The following PARP4 variants were observed in gnomAD, a reference collection of about 807,000 sequenced individuals.
PARP4 encodes protein mono-ADP-ribosyltransferase PARP4.
A neutral mutation model predicts 187.7 loss-of-function variants in PARP4; 120 were observed. That is an observed-to-expected ratio of 0.64 (90% CI 0.55 to 0.74). The LOEUF (loss-of-function observed/expected upper bound fraction) is 0.74. Ranked by LOEUF, PARP4 falls within the 30% of genes least tolerant of loss-of-function variation. The probability of loss-of-function intolerance (pLI) is 0.00; values close to 1 mark genes in which losing one functional copy is unlikely to be tolerated. For synonymous variants in PARP4, 654 were observed against 740.9 expected (o/e 0.88, Z 1.90); for missense variants, 1,836 against 2,070.5 (o/e 0.89, Z 2.20).
At chr13:24,439,914 G>A (rs896486376) in intron 30 of PARP4, among the ~76,000 whole-genome samples, 12 of 152,168 alleles carry the variant, frequency 7.9e-5, no homozygotes, top group South Asian at 6.2e-4. Flanking sequence ...CTGGAAGTCC[G>A]GACCAGTGTG....
chr13:24,463,493 A>G (rs1363607101), intron 17 of PARP4, among the ~76,000 whole-genome samples: 1 of 152,184 alleles, frequency 6.6e-6, no homozygotes, highest in Non-Finnish European at 1.5e-5. Context: ...CCTTATTTTT[A>G]ATTGCTTTAA....
intron 3 of PARP4, 130 bp from the exon 4 acceptor site, chr13:24,500,512 G>A: frequency 2.0e-6 from 1 of 506,610 alleles, no homozygotes; most frequent in East Asian, 3.5e-5. Context: ...GTGATCAAAG[G>A]ATAACCCAGT....
At position 24,443,657 on chromosome 13, in the gene PARP4, C is replaced by G. The variant is rs1201159434; in HGVS notation, c.3440G>C (p.Ser1147Thr). ...EDGILHENET[S>T]HEMKKQTLKS... The stretch of plus-strand genomic sequence containing the variant: ...ACAATGAAAAGAACAAACCTCATGA[C>G]TGGTTTCATTTTCGTGAAGAATGCC... The change falls in exon 28 of 34, where the codon AGT becomes ACT. Residue 1147 changes from serine (S) to threonine (T), a missense_variant. Ser to Thr is a moderately conservative substitution (Grantham distance 58). Around this residue, in one of 8 missense-constraint regions of PARP4, gnomAD observed 47 missense variants for 99.5 expected, o/e 0.47. Coordinates refer to ENST00000381989, the MANE Select transcript of PARP4 (RefSeq NM_006437.4). 1 of 1,604,326 alleles carries G rather than the reference C, an allele frequency of 6.2e-7. No homozygotes were observed. Among genetic ancestry groups the G allele is most frequent in the Non-Finnish European group, 8.5e-7 (1 of 1,171,192 alleles).
At chr13:24,490,872 C>T in intron 9 of PARP4, 44 bp from the exon 10 acceptor site, 1 of 1,469,174 alleles carries the variant, frequency 6.8e-7, no homozygotes, top group Non-Finnish European at 9.4e-7. Context: ...CACCACATAT[C>T]AAAATTAATA....
chr13:24,479,358 A>C (rs1052310552), intron 12 of PARP4, among the ~76,000 whole-genome samples: 4 of 151,382 alleles, frequency 2.6e-5, no homozygotes, highest in Non-Finnish European at 5.9e-5. Flanking sequence ...TTCTCATTAA[A>C]CCCCACTCTG....
At chr13:24,494,965 G>A (rs1344698100) in intron 6 of PARP4, among the ~76,000 whole-genome samples, 1 of 151,560 alleles carries the variant, frequency 6.6e-6, no homozygotes, top group East Asian at 1.9e-4. Flanking sequence ...TCCACCTCCT[G>A]GGTTCAAGCG....
rs764879529 is a variant in PARP4 at position 24,434,905 on chromosome 13, A to G, written c.4236T>C (p.Ala1412=). Residue 1412 remains alanine (A), a synonymous_variant, in exon 31 of 34, where the codon GCT becomes GCC. Transcript: ENST00000381989. ...SGSSLSSAQS[A]PLQHPGGFTT... is the part of the protein sequence containing the mutation. ...TAAAGCCTCCAGGATGTTGCAGTGG[A>G]GCAGACTGTGCAGAGCTTAATGAGC... The G allele has an allele frequency of 1.9e-6, 3 of 1,614,046 alleles. No homozygotes were observed. Among genetic ancestry groups the G allele is most frequent in the Admixed American group, 1.7e-5 (1 of 60,002 alleles).
At position 24,469,462 on chromosome 13, in the gene PARP4, A is replaced by G. The variant is rs181728425; in HGVS notation, c.2047-352T>C. 4.6e-5 allele frequency among the ~76,000 whole-genome samples: 7 copies of G among 152,368 alleles called. No individual in the cohort carries two copies. The East Asian group carries it at 1.2e-3, about 25-fold the overall frequency. ...CTGTGGACTAATCCTTACAATAAACAAAGAATTAATCAACTGTTGTTTCTT... is the reference window on the plus strand; with the variant it reads ...CTGTGGACTAATCCTTACAATAAACGAAGAATTAATCAACTGTTGTTTCTT... On this transcript the variant is annotated intron_variant, in intron 16 of 33. Coordinates refer to ENST00000381989, the MANE Select transcript of PARP4 (RefSeq NM_006437.4).
chr13:24,491,922 G>C (rs967287084), intron 9 of PARP4, among the ~76,000 whole-genome samples: 2 of 152,232 alleles, frequency 1.3e-5, no homozygotes, highest in African/African-American at 4.8e-5. Context: ...AACTACTGCA[G>C]CCATCTGCAG....
intron 24 of PARP4, among the ~76,000 whole-genome samples, chr13:24,451,281 A>C (rs1871503995): frequency 1.3e-5 from 2 of 152,228 alleles, no homozygotes; most frequent in South Asian, 4.1e-4. Flanking sequence ...CAGCAGGTGA[A>C]GTCCCATCAG....
intron 1 of PARP4, among the ~76,000 whole-genome samples, chr13:24,504,597 TTTAA>T (rs1271151283): frequency 3.3e-5 from 5 of 152,124 alleles, no homozygotes. Flanking sequence ...CCTGGGTTAA[TTTAA>T]TTAATTTACT....
intron 15 of PARP4, among the ~76,000 whole-genome samples, chr13:24,472,947 G>A (rs539436363): frequency 2.0e-5 from 3 of 146,430 alleles, no homozygotes; most frequent in Non-Finnish European, 4.5e-5. Flanking sequence ...CCAGGTTGGA[G>A]TGCAGTGGTG....
chr13:24,509,209 A>T (rs913811258), intron 1 of PARP4, among the ~76,000 whole-genome samples: 4 of 152,242 alleles, frequency 2.6e-5, no homozygotes, highest in Non-Finnish European at 5.9e-5. Context: ...GTAAATTATT[A>T]AAAATTATTG....
intron 30 of PARP4, among the ~76,000 whole-genome samples, chr13:24,440,635 A>G (rs900612345): frequency 6.6e-6 from 1 of 152,034 alleles, no homozygotes; most frequent in African/African-American, 2.4e-5. Context: ...TGCTCTCCCC[A>G]CTAGGGCATT....
chr13:24,473,439 C>T (rs900503374), intron 15 of PARP4, among the ~76,000 whole-genome samples: 25 of 152,180 alleles, frequency 1.6e-4, no homozygotes, highest in Middle Eastern at 3.4e-3. Flanking sequence ...TTTCGATAAA[C>T]GTAAAATTCA....
intron 32 of PARP4, among the ~76,000 whole-genome samples, chr13:24,428,977 CCA>C (rs1192205942): frequency 4.6e-5 from 7 of 151,988 alleles, no homozygotes; most frequent in African/African-American, 1.5e-4. Flanking sequence ...TGATATCATT[CCA>C]CAGTCTTGGC....
chr13:24,450,899 G>T (rs1871482205), intron 24 of PARP4, among the ~76,000 whole-genome samples: 2 of 152,054 alleles, frequency 1.3e-5, no homozygotes, highest in South Asian at 4.2e-4. Flanking sequence ...TTTTAAAGAT[G>T]GGGTCTTGCT....
intron 29 of PARP4, among the ~76,000 whole-genome samples, chr13:24,442,202 A>C (rs1593596106): frequency 6.7e-6 from 1 of 150,278 alleles, no homozygotes; most frequent in South Asian, 2.1e-4. Flanking sequence ...TTTCCCCCTT[A>C]AACTTATGAA....
rs773678289 is a variant in PARP4 at position 24,459,109 on chromosome 13, T to C, written c.2359A>G (p.Met787Val). The change falls in exon 20 of 34, where the codon ATG (methionine) becomes GTG (valine). Residue 787 changes from methionine to valine, a missense_variant. Met to Val is a conservative substitution (Grantham distance 21). This residue lies in a region of PARP4 where 1,147 missense variants were observed against 1,214.2 expected (regional missense o/e 0.94). Transcript: ENST00000381989. Reference protein sequence around the residue: ...IGTKQSFSLTMSIEMPYVIEF... With the variant: ...IGTKQSFSLTVSIEMPYVIEF... ...ATCACATACGGCATCTCAATAGACA[T>C]AGTCAAAGAGAAGCTAGCAAAAATG... 13 of 1,608,046 alleles carry C rather than the reference T, an allele frequency of 8.1e-6. No homozygotes were observed. Among genetic ancestry groups the C allele is most frequent in the Non-Finnish European group, 1.0e-5 (12 of 1,176,134 alleles).
Sources: gnomAD v4.1 joint callset for allele counts (sites outside exome capture counted in the v4.1 genomes callset) on GRCh38, gnomAD v4.1.1 for gene constraint, gnomAD v4.1.1 regional missense constraint, MANE v1.5 for transcripts, NCBI Gene and HGNC (gene_info 2026-07-23, HGNC 2026-07-21) for gene names.